The following GSDME variants were observed in gnomAD, a reference collection of about 807,000 sequenced individuals.
GSDME encodes gasdermin-E.
A neutral mutation model predicts 47.5 loss-of-function variants in GSDME; 44 were observed. The ratio of observed to expected loss-of-function variants is 0.93; its 90% CI spans 0.73 to 1.19. GSDME has a LOEUF of 1.19. Ranked by LOEUF, GSDME falls within the 50% of genes most tolerant of loss-of-function variation. The pLI is 0.00. For missense variants in GSDME, 663 were observed against 604.2 expected (o/e 1.10, Z -1.02); for synonymous variants, 258 against 252.8 (o/e 1.02, Z -0.20).
chr7:24,708,013 C>A (rs1042478142), intron 7 of GSDME, 114 bp downstream of exon 7: 33 of 1,341,002 alleles, frequency 2.5e-5, no homozygotes, highest in South Asian at 6.6e-5. Context: ...AGAAAAGAGA[C>A]AGCTGTAGGG....
At chr7:24,792,314 G>A in the GSDME span, among the ~76,000 whole-genome samples, 1 of 152,312 alleles carries the variant, frequency 6.6e-6, no homozygotes, top group East Asian at 1.9e-4. Context: ...TCCACAGAAC[G>A]TTGGACCAAT....
At chr7:24,791,140 C>A in the GSDME span, among the ~76,000 whole-genome samples, 1 of 151,968 alleles carries the variant, frequency 6.6e-6, no homozygotes, top group African/African-American at 2.4e-5. The surrounding 1 kb of genome is among the most constrained non-coding windows in gnomAD (Gnocchi z 4.8). Context: ...TGGATCCAGG[C>A]TGGGATTCCT....
intron 1 of GSDME, among the ~76,000 whole-genome samples, chr7:24,752,831 T>C (rs1355740547): frequency 6.6e-6 from 1 of 152,176 alleles, no homozygotes. Flanking sequence ...CGCACTTGCC[T>C]TCAGATCACA....
intron 6 of GSDME, among the ~76,000 whole-genome samples, chr7:24,709,441 C>G (rs1036806375): frequency 7.9e-5 from 12 of 152,178 alleles, no homozygotes; most frequent in Admixed American, 7.2e-4. Context: ...CCTTTGTTGT[C>G]ATTTCTTCAA....
At position 24,744,165 on chromosome 7, in the gene GSDME, G is replaced by A. The variant is rs893487149; in HGVS notation, c.404+397C>T. 3 of 217,104 alleles carry A rather than the reference G, an allele frequency of 1.4e-5. No homozygotes were observed. The highest frequency in any genetic ancestry group is 7.6e-5 in the South Asian group (1 of 13,208). The allele number at this position is 217,104 out of a possible 1,614,324, so 13.4% of individuals were successfully genotyped here. On this transcript the variant is annotated intron_variant, in intron 3 of 9. Transcript: ENST00000645220. This position sits in a 1 kb window ranked among gnomAD's most constrained non-coding sequence, Gnocchi z 4.5. ...AGCTCTTATTTTTGAACTTTTTTAC[G>A]CGCCTCTCACTTGCTTTCTTCTTTT...
the GSDME span, among the ~76,000 whole-genome samples, chr7:24,790,513 C>G: frequency 1.3e-5 from 2 of 152,172 alleles, no homozygotes; most frequent in African/African-American, 4.8e-5. This position sits in a 1 kb window ranked among gnomAD's most constrained non-coding sequence, Gnocchi z 4.1. Context: ...ACACAACTAC[C>G]TGCCCACTGG....
rs1037116118 is a variant in GSDME, at chr7:24,728,710, T to C, written c.405-9492A>G. On this transcript the variant is annotated intron_variant, in intron 3 of 9. Transcript: ENST00000645220. The surrounding 1 kb of genome is among the most constrained non-coding windows in gnomAD (Gnocchi z 7.2). The stretch of plus-strand genomic sequence containing the variant: ...GAAACGAAAGCAGCCGCCCACTGTC[T>C]CCCCCGCAGGTACTAGCAGTCCCCA... Among the ~76,000 whole-genome samples, 1 of 152,022 alleles carries C rather than the reference T, an allele frequency of 6.6e-6. No individual in the cohort carries two copies. The highest frequency in any genetic ancestry group is 2.4e-5 in the African/African-American group (1 of 41,390).
chr7:24,731,173 G>A (rs918030685), intron 3 of GSDME, among the ~76,000 whole-genome samples: 1 of 152,222 alleles, frequency 6.6e-6, no homozygotes, highest in Admixed American at 6.5e-5. Context: ...ATGGTGAGCA[G>A]GACAAGGCCC....
chr7:24,781,708 T>C, the GSDME span, among the ~76,000 whole-genome samples: 1 of 143,558 alleles, frequency 7.0e-6, no homozygotes, highest in South Asian at 2.2e-4. Flanking sequence ...ATGTAAAATA[T>C]CAATAATAAC....
chr7:24,792,212 C>T, the GSDME span, among the ~76,000 whole-genome samples: 3 of 152,190 alleles, frequency 2.0e-5, no homozygotes, highest in South Asian at 6.2e-4. Context: ...TGTTTTAAGC[C>T]TTTAACTTCT....
At chr7:24,704,881 T>G (rs1789032082) in intron 8 of GSDME, 1 of 152,156 alleles carries the variant, frequency 6.6e-6, no homozygotes, top group Non-Finnish European at 1.5e-5. Context: ...ACAGATGAGG[T>G]CTTGCCATGT....
chr7:24,764,218 G>A, the GSDME span, among the ~76,000 whole-genome samples: 1 of 152,206 alleles, frequency 6.6e-6, no homozygotes, highest in Non-Finnish European at 1.5e-5. The surrounding 1 kb of genome is among the most constrained non-coding windows in gnomAD (Gnocchi z 4.4). Flanking sequence ...CCTGGCACCT[G>A]ACTCAATCTT....
In GSDME at chr7:24,710,240, TA is replaced by T; in HGVS notation, c.845del (p.Leu282Ter). ...TGGCAATACCTTGCTTTAAAACACT[TA>T]ATGGTCCATCCTGGGAAGATATCCC... is the stretch of plus-strand genomic sequence containing the variant. Reference protein sequence around the residue: ...AHGISSQDGPLSVLKQATLLL... With the variant: ...AHGISSQDGPXSVLKQATLLL... On this transcript the variant is annotated frameshift_variant, in exon 6 of 10. Coordinates refer to ENST00000645220, the MANE Select transcript of GSDME (RefSeq NM_001127453.2). LOFTEE classifies it high-confidence loss of function. The T allele has an allele frequency of 1.2e-6, 2 of 1,614,020 alleles. No homozygotes were observed. The highest frequency in any genetic ancestry group is 1.7e-6 in the Non-Finnish European group (2 of 1,180,024).
At position 24,757,440 on chromosome 7, in the gene GSDME, T is replaced by C. The variant is rs1791072198; in HGVS notation, c.-64A>G. 2 of 151,828 alleles carry C rather than the reference T, an allele frequency of 1.3e-5. No homozygotes were observed. Among genetic ancestry groups the C allele is most frequent in the Non-Finnish European group, 2.9e-5 (2 of 67,910 alleles). 9.4% of individuals were successfully genotyped at this position (151,828 alleles called of 1,614,324 possible). ...TCCCCGGCAGCCGCGCCCCCTGCGC[T>C]GGCGGAGTCGGAGGAGCCTGCGCTG... On this transcript the variant is annotated 5_prime_UTR_variant, in exon 1 of 10. Coordinates refer to ENST00000645220, the MANE Select transcript of GSDME (RefSeq NM_001127453.2). This position sits in a 1 kb window ranked among gnomAD's most constrained non-coding sequence, Gnocchi z 5.9.
At chr7:24,785,897 A>G in the GSDME span, among the ~76,000 whole-genome samples, 1 of 152,354 alleles carries the variant, frequency 6.6e-6, no homozygotes, top group East Asian at 1.9e-4. Flanking sequence ...ACCGTCTCAC[A>G]ATCCCTCAAT....
chr7:24,701,138 G>A (rs1254154693), intron 9 of GSDME, among the ~76,000 whole-genome samples: 1 of 152,202 alleles, frequency 6.6e-6, no homozygotes, highest in Non-Finnish European at 1.5e-5. Context: ...TGGATTTTGT[G>A]CCGTTTTAAG....
At chr7:24,703,442 C>T (rs1788961863) in intron 8 of GSDME, 1 of 166,354 alleles carries the variant, frequency 6.0e-6, no homozygotes, top group Non-Finnish European at 1.3e-5. Flanking sequence ...CTTGCCAAGC[C>T]CCAGGGAAGG....
In GSDME at chr7:24,742,684, A is replaced by G. The variant is rs1160838874; in HGVS notation, c.404+1878T>C. Reference sequence around the variant, plus strand: ...TTGAAATAGAAATAACGAGACTGCAAAGCGCATCTAAGCTAGAGAGGGTTG... The same window carrying G: ...TTGAAATAGAAATAACGAGACTGCAGAGCGCATCTAAGCTAGAGAGGGTTG... On this transcript the variant is annotated intron_variant, in intron 3 of 9. Coordinates refer to ENST00000645220, the MANE Select transcript of GSDME (RefSeq NM_001127453.2). This position sits in a 1 kb window ranked among gnomAD's most constrained non-coding sequence, Gnocchi z 4.4. Among the ~76,000 whole-genome samples, 1 of 152,216 alleles carries G rather than the reference A, an allele frequency of 6.6e-6. No individual in the cohort carries two copies. The highest frequency in any genetic ancestry group is 1.5e-5 in the Non-Finnish European group (1 of 68,044).
the GSDME span, among the ~76,000 whole-genome samples, chr7:24,793,891 TTGC>T: frequency 6.6e-6 from 1 of 152,208 alleles, no homozygotes; most frequent in Non-Finnish European, 1.5e-5. Flanking sequence ...AGCAAAGCTG[TTGC>T]CACTACAGAT....
Sources: allele counts gnomAD v4.1 joint callset (sites outside exome capture counted in the v4.1 genomes callset), GRCh38; gene constraint gnomAD v4.1.1; non-coding constraint Gnocchi (gnomAD v3.1); transcripts MANE v1.5; gene names NCBI Gene and HGNC (gene_info 2026-07-23, HGNC 2026-07-21).